Variants in GLIS3 observed in about 807,000 individuals in gnomAD.
GLIS3 encodes the protein zinc finger protein GLIS3.
In GLIS3, 53 loss-of-function variants were observed where a neutral mutation model predicts 78.6. The observed-to-expected ratio is 0.67, with a 90% CI of 0.54 to 0.85. The LOEUF is 0.85. Among genes scored for constraint, GLIS3 ranks in the 40% least tolerant of loss-of-function variants. The pLI is 0.00. For synonymous variants in GLIS3, 684 were observed against 509.9 expected (o/e 1.34, Z -4.60); for missense variants, 1,703 against 1,231.1 (o/e 1.38, Z -5.74).
chr9:3,910,299 C>A (rs1456994199), intron 6 of GLIS3, among the ~76,000 whole-genome samples: 10 of 152,156 alleles, frequency 6.6e-5, no homozygotes, highest in African/African-American at 9.7e-5. Flanking sequence ...CTTTGTTGAA[C>A]CTCCCCTCTT....
chr9:4,251,967 G>C (rs1177861084), intron 2 of GLIS3, among the ~76,000 whole-genome samples: 1 of 152,204 alleles, frequency 6.6e-6, no homozygotes, highest in Non-Finnish European at 1.5e-5. Context: ...TTTGTGCCGA[G>C]AGATCTGCTG....
rs750454441 is a variant in GLIS3, at chr9:3,965,188, C to CTTTTTTTTTTTTTTTTTTTTTTTT, written c.1711-28000_1711-27999insAAAAAAAAAAAAAAAAAAAAAAAA. Among the ~76,000 whole-genome samples, 21 of 98,990 alleles carry CTTTTTTTTTTTTTTTTTTTTTTTT rather than the reference C, an allele frequency of 2.1e-4. 2 individuals are homozygous for CTTTTTTTTTTTTTTTTTTTTTTTT. The highest frequency in any genetic ancestry group is 3.2e-4 in the African/African-American group (8 of 25,324). The allele number at this position is 98,990 out of a possible 152,430, so 64.9% of individuals were successfully genotyped here. On this transcript the variant is annotated intron_variant, in intron 4 of 10. Transcript: ENST00000381971. ...TACTTCTTTTCTATTTCTTTCTTTTCTTTTCTTTTTTTTTTTTTTTTTTTG... is the reference window on the plus strand; with the variant it reads ...TACTTCTTTTCTATTTCTTTCTTTTCTTTTTTTTTTTTTTTTTTTTTTTTTTTTCTTTTTTTTTTTTTTTTTTTG...
At chr9:3,982,875 G>C (rs1819417843) in intron 4 of GLIS3, among the ~76,000 whole-genome samples, 1 of 152,190 alleles carries the variant, frequency 6.6e-6, no homozygotes, top group Admixed American at 6.5e-5. Context: ...AGTCACCATA[G>C]GGTCACTGGC....
intron 1 of GLIS3, among the ~76,000 whole-genome samples, chr9:4,291,130 C>T (rs1587329835): frequency 6.6e-6 from 1 of 152,106 alleles, no homozygotes; most frequent in South Asian, 2.1e-4. Flanking sequence ...TTCACTTGGG[C>T]ACTCCCAAGG....
At chr9:4,051,233 C>G (rs375143525) in intron 4 of GLIS3, among the ~76,000 whole-genome samples, 1 of 152,106 alleles carries the variant, frequency 6.6e-6, no homozygotes, top group African/African-American at 2.4e-5. Context: ...CATGGCTTAA[C>G]AAGACATTCA....
chr9:4,166,953 G>C (rs750128799), intron 2 of GLIS3, among the ~76,000 whole-genome samples: 5 of 152,212 alleles, frequency 3.3e-5, no homozygotes, highest in Admixed American at 6.5e-5. Flanking sequence ...AAAGTCACGT[G>C]TGTTCCTGTT....
At chr9:4,019,536 C>T (rs1246707173) in intron 4 of GLIS3, among the ~76,000 whole-genome samples, 1 of 152,154 alleles carries the variant, frequency 6.6e-6, no homozygotes, top group African/African-American at 2.4e-5. Context: ...AAGACTTCTG[C>T]TCTCAGAGAG....
intron 2 of GLIS3, among the ~76,000 whole-genome samples, chr9:4,275,980 C>T (rs1826944257): frequency 6.6e-6 from 1 of 151,832 alleles, no homozygotes; most frequent in African/African-American, 2.4e-5. Flanking sequence ...CCTTTAACCA[C>T]CTTAGAAAAT....
At chr9:4,056,512 C>T (rs1826165631) in intron 4 of GLIS3, among the ~76,000 whole-genome samples, 1 of 152,062 alleles carries the variant, frequency 6.6e-6, no homozygotes, top group African/African-American at 2.4e-5. Context: ...TGAAATTCAA[C>T]CTAAGATTCA....
chr9:4,221,676 AG>A (rs1324106485), intron 2 of GLIS3, among the ~76,000 whole-genome samples: 1 of 152,196 alleles, frequency 6.6e-6, no homozygotes, highest in Non-Finnish European at 1.5e-5. Context: ...TTTGGTTACC[AG>A]GGGGTTATAC....
intron 4 of GLIS3, among the ~76,000 whole-genome samples, chr9:4,000,847 G>C (rs1821079509): frequency 6.6e-6 from 1 of 152,196 alleles, no homozygotes; most frequent in Non-Finnish European, 1.5e-5. Flanking sequence ...AATCTGGCCA[G>C]TTCCTACACT....
chr9:4,417,478 T>C, the GLIS3 span, among the ~76,000 whole-genome samples: 2 of 152,228 alleles, frequency 1.3e-5, no homozygotes, highest in Admixed American at 1.3e-4. Context: ...TATAGTCACG[T>C]ACCATTATTT....
At chr9:4,094,334 G>C (rs11999119) in intron 4 of GLIS3, among the ~76,000 whole-genome samples, 1,803 of 152,310 alleles carry the variant, frequency 0.012, 33 homozygotes, top group African/African-American at 0.041. Flanking sequence ...GCTAGTGAGA[G>C]TGCAAATCAG....
At chr9:3,959,603 C>A (rs1401467189) in intron 4 of GLIS3, among the ~76,000 whole-genome samples, 1 of 152,190 alleles carries the variant, frequency 6.6e-6, no homozygotes, top group Admixed American at 6.5e-5. Flanking sequence ...CTCACAAGCC[C>A]TGCAGCTACT....
intron 4 of GLIS3, among the ~76,000 whole-genome samples, chr9:4,084,129 G>A (rs977077249): frequency 6.6e-6 from 1 of 152,038 alleles, no homozygotes; most frequent in Non-Finnish European, 1.5e-5. Context: ...TTTCTGGCTT[G>A]GTAGTATTAA....
At chr9:3,994,726 A>G (rs2129831757) in intron 4 of GLIS3, among the ~76,000 whole-genome samples, 1 of 152,342 alleles carries the variant, frequency 6.6e-6, no homozygotes, top group Non-Finnish European at 1.5e-5. Flanking sequence ...GTCTTTTTAA[A>G]AATCAAAACT....
chr9:4,478,762 T>C, the GLIS3 span, among the ~76,000 whole-genome samples: 4 of 152,206 alleles, frequency 2.6e-5, no homozygotes, highest in African/African-American at 4.8e-5. Context: ...AGAAAATATA[T>C]GCAGAAGAAA....
chr9:3,946,126 C>T lies in GLIS3; in HGVS notation c.1711-8937G>A, dbSNP rs1478541564. 4.6e-5 allele frequency among the ~76,000 whole-genome samples: 7 copies of T among 152,348 alleles called. No individual in the cohort carries two copies. In the East Asian group the frequency reaches 1.2e-3, roughly 25 times the overall value. On this transcript the variant is annotated intron_variant, in intron 4 of 10. Transcript: ENST00000381971. ...CCTTTAGGCTTCTGCCAAGGCACAA[C>T]AGATCAGTGCCCACACATGCCCACC...
chr9:3,930,310 G>C (rs1332495807), intron 6 of GLIS3, among the ~76,000 whole-genome samples: 1 of 152,206 alleles, frequency 6.6e-6, no homozygotes, highest in Non-Finnish European at 1.5e-5. Context: ...TTGAGAGACA[G>C]TGTCTCCATT....
Sources: gnomAD v4.1 joint callset for allele counts (sites outside exome capture counted in the v4.1 genomes callset) on GRCh38, gnomAD v4.1.1 for gene constraint, MANE v1.5 for transcripts, NCBI Gene and HGNC (gene_info 2026-07-23, HGNC 2026-07-21) for gene names.